The following ZNF726 variants were observed in gnomAD, a reference collection of about 807,000 sequenced individuals.
ZNF726 encodes zinc finger protein 726.
A neutral mutation model predicts 11.6 loss-of-function variants in ZNF726; 15 were observed. The ratio of observed to expected loss-of-function variants is 1.29; its 90% confidence interval spans 0.86 to 1.99. The LOEUF is 1.99. Among genes scored for constraint, ZNF726 ranks in the 30% most tolerant of loss-of-function variants. The pLI, the probability that ZNF726 is intolerant of heterozygous loss-of-function variation, is 0.00. For missense variants in ZNF726, 890 were observed against 725.6 expected (o/e 1.23, Z -2.60); for synonymous variants, 295 against 243.6 (o/e 1.21, Z -1.96).
In ZNF726 at chr19:23,934,153, T is replaced by C; in HGVS notation, c.*186T>C. On this transcript the variant is annotated 3_prime_UTR_variant, in exon 4 of 4. Coordinates refer to ENST00000594466, the MANE Select transcript of ZNF726 (RefSeq NM_001244038.2). ...AGAGAAACCTTACAAGTGTGAAGAA[T>C]GTGGGAAAGCTTTTAATCATTCTCA... 1.1e-6 allele frequency: 1 copy of C among 900,320 alleles called. No individual in the cohort carries two copies. The highest frequency in any genetic ancestry group is 1.8e-6 in the Non-Finnish European group (1 of 545,822). The allele number at this position is 900,320 out of a possible 1,614,324, so 55.8% of individuals were successfully genotyped here.
intron 3 of ZNF726, among the ~76,000 whole-genome samples, chr19:23,925,969 C>T (rs1389129071): frequency 6.6e-6 from 1 of 151,996 alleles, no homozygotes; most frequent in Non-Finnish European, 1.5e-5. Flanking sequence ...CCTGCCTCTG[C>T]CTTTCAGTGT....
chr19:23,943,887 A>C (rs1968377608), intron 4 of ZNF726: 2 of 209,496 alleles, frequency 9.5e-6, no homozygotes, highest in Non-Finnish European at 1.9e-5. Context: ...CTTCGGGGGA[A>C]TATAAAAATA....
At chr19:23,915,609 G>C (rs1189804418) in intron 1 of ZNF726, among the ~76,000 whole-genome samples, 1 of 151,512 alleles carries the variant, frequency 6.6e-6, no homozygotes, top group Admixed American at 6.6e-5. Flanking sequence ...TTTTGAGGCA[G>C]AGTCTCTGTT....
intron 3 of ZNF726, 111 bp downstream of exon 3, chr19:23,920,193 GA>G: frequency 2.9e-6 from 2 of 689,758 alleles, no homozygotes; most frequent in Non-Finnish European, 4.6e-6. Context: ...ACCGTTTCTG[GA>G]AAGCCTGAAA....
At position 23,915,673 on chromosome 19, in the gene ZNF726, C is replaced by T. The variant is rs564835491; in HGVS notation, c.3+676C>T. 6.6e-5 allele frequency among the ~76,000 whole-genome samples: 10 copies of T among 152,082 alleles called. No homozygotes were observed. In the South Asian group the frequency reaches 1.5e-3, roughly 22 times the overall value. ...TCGGCTCACTGCAACCTCCACCTCC[C>T]GGGTTCAAGCGATTTTTCTGCCTCA... On this transcript the variant is annotated intron_variant, in intron 1 of 3. Coordinates refer to ENST00000594466, the MANE Select transcript of ZNF726 (RefSeq NM_001244038.2).
At position 23,932,967 on chromosome 19, in the gene ZNF726, C is replaced by T. The variant is rs757634116; in HGVS notation, c.851C>T (p.Pro284Leu). 287 of 1,612,046 alleles carry T rather than the reference C, an allele frequency of 1.8e-4. No homozygotes were observed. Among genetic ancestry groups the T allele is most frequent in the Non-Finnish European group, 2.2e-4 (260 of 1,179,748 alleles). Residue 284 changes from proline (P) to leucine (L), a missense_variant, in exon 4 of 4, where the codon CCC (proline) becomes CTC (leucine). Physicochemically the swap from Pro to Leu is moderately conservative, Grantham distance 98 (BLOSUM62 -3). Transcript: ENST00000594466. ...IHKRIHTGEKPCKCEECGKAF... is the reference protein window; with the variant it reads ...IHKRIHTGEKLCKCEECGKAF... The stretch of plus-strand genomic sequence containing the variant: ...AAGAGGATACATACTGGAGAGAAAC[C>T]CTGCAAATGTGAAGAATGTGGCAAA...
At chr19:23,943,592 A>T (rs1174423417) in intron 4 of ZNF726, 2 of 623,950 alleles carry the variant, frequency 3.2e-6, no homozygotes, top group Non-Finnish European at 5.9e-6. Context: ...ATACTCAGGT[A>T]GGTAAGCATG....
intron 3 of ZNF726, among the ~76,000 whole-genome samples, chr19:23,940,134 T>G (rs1253596271): frequency 1.3e-5 from 2 of 152,142 alleles, no homozygotes; most frequent in African/African-American, 2.4e-5. Flanking sequence ...TCATGCAAAA[T>G]TTTTATAGTT....
chr19:23,936,696 A>G (rs1357721301), downstream of ZNF726, among the ~76,000 whole-genome samples: 2 of 147,202 alleles, frequency 1.4e-5, no homozygotes, highest in Admixed American at 6.7e-5. Flanking sequence ...ATGCATTATC[A>G]TGAAAGAAAA....
At chr19:23,927,039 A>G (rs546437137) in intron 3 of ZNF726, among the ~76,000 whole-genome samples, 1 of 152,218 alleles carries the variant, frequency 6.6e-6, no homozygotes, top group Admixed American at 6.5e-5. Flanking sequence ...GTGCAGTGGC[A>G]CTATCTCGGC....
chr19:23,918,493 A>G (rs770433051), intron 1 of ZNF726, among the ~76,000 whole-genome samples: 53 of 152,282 alleles, frequency 3.5e-4, no homozygotes, highest in Non-Finnish European at 6.3e-4. Flanking sequence ...CATAAAAATG[A>G]TGTTTTCTTA....
At chr19:23,921,331 A>G (rs1967846284) in intron 3 of ZNF726, 1 of 152,298 alleles carries the variant, frequency 6.6e-6, no homozygotes, top group South Asian at 2.1e-4. Context: ...TATAAAGTAT[A>G]ATGTCCTTCT....
Position 23,933,433 on chromosome 19 carries a change from C to G in ZNF726, c.1317C>G (p.Asn439Lys). 6.2e-7 allele frequency: 1 copy of G among 1,612,022 alleles called. No homozygotes were observed. The highest frequency in any genetic ancestry group is 8.5e-7 in the Non-Finnish European group (1 of 1,179,520). Residue 439 changes from asparagine to lysine, a missense_variant, in exon 4 of 4, where the codon AAC becomes AAG. Physicochemically the swap from Asn to Lys is moderately conservative, Grantham distance 94 (BLOSUM62 0). Transcript: ENST00000594466. ...ECGKAFIWSS[N>K]LTEHKKIHTR... ...GCAAAGCGTTTATATGGTCCTCAAA[C>G]CTTACTGAACATAAGAAAATTCATA... is the stretch of plus-strand genomic sequence containing the variant.
chr19:23,930,475 G>T (rs1303580548), intron 3 of ZNF726, among the ~76,000 whole-genome samples: 5 of 151,944 alleles, frequency 3.3e-5, no homozygotes, highest in African/African-American at 1.2e-4. Context: ...TTATAATTGT[G>T]CATGCCAATA....
At chr19:23,916,377 G>T (rs1026252469) in intron 1 of ZNF726, among the ~76,000 whole-genome samples, 1 of 151,606 alleles carries the variant, frequency 6.6e-6, no homozygotes, top group African/African-American at 2.4e-5. Context: ...GCAGTGCAGT[G>T]GCTGGAGTGC....
chr19:23,932,112 C>T (rs1473202221), intron 3 of ZNF726, among the ~76,000 whole-genome samples: 1 of 152,012 alleles, frequency 6.6e-6, no homozygotes, highest in East Asian at 1.9e-4. Context: ...TTGCATTGTG[C>T]TCTTCTGGAA....
At chr19:23,938,035 C>T (rs1599474917), downstream of ZNF726, among the ~76,000 whole-genome samples, 1 of 152,292 alleles carries the variant, frequency 6.6e-6, no homozygotes, top group East Asian at 1.9e-4. Context: ...TAACTTTAAC[C>T]TATTCCACCT....
chr19:23,919,284 C>A, intron 1 of ZNF726, 89 bp from the exon 2 acceptor site: 1 of 1,555,468 alleles, frequency 6.4e-7, no homozygotes, highest in Non-Finnish European at 8.7e-7. Flanking sequence ...AGAATCAATT[C>A]TATTCACTTT....
chr19:23,920,917 C>A, intron 3 of ZNF726: 2 of 152,136 alleles, frequency 1.3e-5, no homozygotes, highest in South Asian at 3.9e-4. Context: ...GAGACAGGGT[C>A]ATTTATAACC....
Sources: gnomAD v4.1 joint callset for allele counts (sites outside exome capture counted in the v4.1 genomes callset) on GRCh38, gnomAD v4.1.1 for gene constraint, MANE v1.5 for transcripts, NCBI Gene and HGNC (gene_info 2026-07-23, HGNC 2026-07-21) for gene names.